Variants in B3GALT1 observed in about 807,000 individuals in gnomAD.
The protein encoded by B3GALT1 is beta-1,3-galactosyltransferase 1.
A neutral mutation model predicts 23.2 loss-of-function variants in B3GALT1; 10 were observed. The ratio of observed to expected loss-of-function variants is 0.43; its 90% CI spans 0.27 to 0.73. B3GALT1 has a LOEUF of 0.73. Ranked by LOEUF, B3GALT1 falls within the 30% of genes least tolerant of loss-of-function variation. The pLI is 0.21. For synonymous variants in B3GALT1, 156 were observed against 141.5 expected, an observed-to-expected ratio of 1.10 and a Z score of -0.73; for missense variants, 299 against 405.4, an observed-to-expected ratio of 0.74 and a Z score of 2.25.
At chr2:167,791,909 A>G (rs1688443214) in intron 3 of B3GALT1, among the ~76,000 whole-genome samples, 2 of 151,976 alleles carry the variant, frequency 1.3e-5, no homozygotes, top group Non-Finnish European at 2.9e-5. Context: ...AAAGATAAAA[A>G]AGCAAAAATA....
intron 2 of B3GALT1, among the ~76,000 whole-genome samples, chr2:167,598,804 AT>A (rs1185366124): frequency 6.6e-6 from 1 of 152,164 alleles, no homozygotes; most frequent in Non-Finnish European, 1.5e-5. Context: ...CAATTATTCC[AT>A]TTTTATTGGT....
chr2:167,343,799 A>G (rs909841825), intron 1 of B3GALT1, among the ~76,000 whole-genome samples: 2 of 152,132 alleles, frequency 1.3e-5, no homozygotes, highest in Admixed American at 6.6e-5. Context: ...TGACCTCTGT[A>G]TCTTCAGGTT....
intron 4 of B3GALT1, among the ~76,000 whole-genome samples, chr2:167,846,518 AAGAT>A (rs1309133225): frequency 2.6e-5 from 4 of 152,214 alleles, no homozygotes; most frequent in African/African-American, 7.2e-5. Context: ...ATATGAAGGA[AAGAT>A]AGATAGTCTT....
chr2:167,637,409 A>G (rs776088412), intron 2 of B3GALT1, among the ~76,000 whole-genome samples: 1 of 151,902 alleles, frequency 6.6e-6, no homozygotes, highest in Admixed American at 6.6e-5. Flanking sequence ...TGGGGCACAT[A>G]TGATATTTTG....
rs541708196 is a variant in B3GALT1, at chr2:167,698,253, G to A, written c.-352+51287G>A. On this transcript the variant is annotated intron_variant, in intron 3 of 4. Transcript: ENST00000392690. ...TATAAGCAACTCAAGGTTGTGGTTG[G>A]AATTTTATTTATGGCTCATTAAGCC... is the stretch of plus-strand genomic sequence containing the variant. Among the ~76,000 whole-genome samples the A allele has an allele frequency of 3.3e-5, 5 of 152,238 alleles. No individual in the cohort carries two copies. In the East Asian group the frequency reaches 9.6e-4, roughly 29 times the overall value.
At chr2:167,419,698 G>A (rs780500018) in intron 1 of B3GALT1, among the ~76,000 whole-genome samples, 3 of 152,180 alleles carry the variant, frequency 2.0e-5, no homozygotes, top group Admixed American at 1.3e-4. Flanking sequence ...AATGCACGAA[G>A]AATCATCTGA....
chr2:167,671,214 A>G, intron 3 of B3GALT1, among the ~76,000 whole-genome samples: 1 of 152,178 alleles, frequency 6.6e-6, no homozygotes, highest in East Asian at 1.9e-4. Context: ...CAATAGTATT[A>G]GGGGACTTTA....
chr2:167,835,042 AG>A (rs1689429318), intron 4 of B3GALT1, among the ~76,000 whole-genome samples: 2 of 152,062 alleles, frequency 1.3e-5, no homozygotes, highest in Non-Finnish European at 2.9e-5. Context: ...AGCCTTTTTG[AG>A]GGGAGGAGCC....
At chr2:167,473,486 T>C (rs1380772424) in intron 1 of B3GALT1, among the ~76,000 whole-genome samples, 1 of 151,920 alleles carries the variant, frequency 6.6e-6, no homozygotes, top group East Asian at 1.9e-4. Context: ...GTGAGAGAGG[T>C]GACAGTGGAT....
chr2:167,293,512 C>G (rs1696292967), intron 1 of B3GALT1, among the ~76,000 whole-genome samples, 178 bp downstream of exon 1: 1 of 152,146 alleles, frequency 6.6e-6, no homozygotes, highest in East Asian at 1.9e-4. Flanking sequence ...GGTGCGTTCT[C>G]CCTTCCGCGC....
intron 2 of B3GALT1, among the ~76,000 whole-genome samples, chr2:167,512,526 G>A (rs1034751646): frequency 7.6e-6 from 1 of 130,918 alleles, no homozygotes; most frequent in Admixed American, 8.0e-5. Context: ...ACATATATAT[G>A]TGTGTGTGTA....
At chr2:167,757,515 C>T (rs539846461) in intron 3 of B3GALT1, among the ~76,000 whole-genome samples, 47 of 152,228 alleles carry the variant, frequency 3.1e-4, no homozygotes, top group Admixed American at 2.8e-3. Context: ...AAGTGCCTCC[C>T]TAAATCTAAA....
chr2:167,434,516 T>C (rs1442809959), intron 1 of B3GALT1, among the ~76,000 whole-genome samples: 1 of 82,116 alleles, frequency 1.2e-5, no homozygotes, highest in Non-Finnish European at 2.6e-5. Context: ...AAAATGTAAG[T>C]ACTCTGTAAA....
At chr2:167,631,029 A>G (rs144320374) in intron 2 of B3GALT1, among the ~76,000 whole-genome samples, 2,336 of 150,638 alleles carry the variant, frequency 0.016, 85 homozygotes, top group African/African-American at 0.054. Context: ...AGGGGGGGGA[A>G]TTTTACTTTT....
intron 2 of B3GALT1, among the ~76,000 whole-genome samples, chr2:167,591,466 T>TAA (rs1684678176): frequency 6.6e-6 from 1 of 151,800 alleles, no homozygotes; most frequent in African/African-American, 2.4e-5. Context: ...TTTAATTAAT[T>TAA]TATTTATTTA....
chr2:167,721,606 A>C (rs1355849822), intron 3 of B3GALT1, among the ~76,000 whole-genome samples: 1 of 152,226 alleles, frequency 6.6e-6, no homozygotes, highest in Non-Finnish European at 1.5e-5. Context: ...AAAATAGAGA[A>C]AGGAGGAGAA....
At chr2:167,617,243 A>G (rs1685176567) in intron 2 of B3GALT1, among the ~76,000 whole-genome samples, 1 of 152,106 alleles carries the variant, frequency 6.6e-6, no homozygotes, top group African/African-American at 2.4e-5. Flanking sequence ...ATAATGGAAG[A>G]GTTGAGGAGA....
At chr2:167,306,293 A>G (rs1285255554) in intron 1 of B3GALT1, among the ~76,000 whole-genome samples, 2 of 152,020 alleles carry the variant, frequency 1.3e-5, no homozygotes, top group Non-Finnish European at 2.9e-5. Context: ...AAAATATAAA[A>G]ATGCACATGC....
chr2:167,499,869 A>C (rs1334691867), intron 2 of B3GALT1, among the ~76,000 whole-genome samples: 1 of 152,158 alleles, frequency 6.6e-6, no homozygotes, highest in Non-Finnish European at 1.5e-5. Flanking sequence ...AACTGAGAGT[A>C]TGTGGCTGGG....
Sources: allele counts gnomAD v4.1 joint callset (sites outside exome capture counted in the v4.1 genomes callset), GRCh38; gene constraint gnomAD v4.1.1; transcripts MANE v1.5; gene names NCBI Gene and HGNC (gene_info 2026-07-23, HGNC 2026-07-21).